Variants in DMD observed in about 807,000 individuals in gnomAD.
The protein encoded by DMD is mutant dystrophin.
Under a neutral mutation model 330.1 loss-of-function variants are expected in DMD, and 63 were observed. That is an observed-to-expected ratio of 0.19 (90% CI 0.16 to 0.24). The LOEUF is 0.24. DMD is among the 10% of genes least tolerant of loss of function. The pLI is 1.00. For synonymous variants in DMD, 1,223 were observed against 959.8 expected, an observed-to-expected ratio of 1.27 and a Z score of -5.07; for missense variants, 3,344 against 2,684.1, an observed-to-expected ratio of 1.25 and a Z score of -5.43.
intron 15 of DMD, 141 bp from the exon 16 acceptor site, chrX:32,566,022 A>T: frequency 1.9e-6 from 1 of 526,492 alleles, no homozygotes; most frequent in Non-Finnish European, 3.2e-6. Context: ...TCAAAAGTTC[A>T]GAAAAATAGA....
chrX:32,706,309 A>C (rs948439350), intron 7 of DMD, among the ~76,000 whole-genome samples: 3 of 107,575 alleles, frequency 2.8e-5, no homozygotes, highest in Non-Finnish European at 5.8e-5. Context: ...GGTGCAGCAC[A>C]CCAACATGGC....
At chrX:31,649,628 T>C (rs1272994084) in intron 54 of DMD, among the ~76,000 whole-genome samples, 2 of 109,229 alleles carry the variant, frequency 1.8e-5, no homozygotes. Context: ...GCCCAGGCTG[T>C]AGTGCAGTGG....
intron 7 of DMD, among the ~76,000 whole-genome samples, chrX:32,708,121 G>A (rs1158145890): frequency 3.6e-5 from 4 of 111,496 alleles, no homozygotes; most frequent in South Asian, 3.7e-4. Flanking sequence ...TACACAGTGA[G>A]GCCAGAATAA....
chrX:32,420,681 TCTCAGGAAAGAAA>T (rs2098186065), intron 29 of DMD, among the ~76,000 whole-genome samples: 1 of 111,916 alleles, frequency 8.9e-6, no homozygotes, highest in Non-Finnish European at 1.9e-5. Flanking sequence ...GAATTCAGAC[TCTCAGGAAAGAAA>T]CTCAACACAG....
chrX:31,319,449 C>T (rs879101208), intron 62 of DMD, among the ~76,000 whole-genome samples: 5 of 112,083 alleles, frequency 4.5e-5, no homozygotes, highest in South Asian at 7.4e-4. Flanking sequence ...ATTAAAATGC[C>T]TATATTTATA....
chrX:33,123,367 G>C (rs1022652488), intron 1 of DMD, among the ~76,000 whole-genome samples: 1 of 111,795 alleles, frequency 8.9e-6, no homozygotes, highest in African/African-American at 3.3e-5. Context: ...AAACTGAAAA[G>C]GTAAACAAAT....
At chrX:32,452,479 A>AG (rs2098338059) in intron 26 of DMD, among the ~76,000 whole-genome samples, 1 of 28,119 alleles carries the variant, frequency 3.6e-5, no homozygotes, top group Non-Finnish European at 9.6e-5. Context: ...AGGAAAGGAA[A>AG]GGAAAGGAAA....
chrX:31,336,891 G>C (rs2057430947), intron 61 of DMD, among the ~76,000 whole-genome samples: 1 of 109,537 alleles, frequency 9.1e-6, no homozygotes, highest in African/African-American at 3.3e-5. Context: ...ATGTTTCGTG[G>C]TGTCTGTTGT....
chrX:32,041,980 C>A (rs1199999700), intron 44 of DMD, among the ~76,000 whole-genome samples: 1 of 92,827 alleles, frequency 1.1e-5, no homozygotes, highest in African/African-American at 3.9e-5. Context: ...TTTCTCCATG[C>A]TTCCCTCCCT....
intron 9 of DMD, among the ~76,000 whole-genome samples, chrX:32,688,000 T>C (rs1482435779): frequency 8.9e-6 from 1 of 111,822 alleles, no homozygotes; most frequent in Non-Finnish European, 1.9e-5. Flanking sequence ...TTAAAATAAA[T>C]GTTTGAAAAA....
intron 1 of DMD, among the ~76,000 whole-genome samples, chrX:33,230,041 T>C (rs1403550539): frequency 8.9e-6 from 1 of 112,481 alleles, no homozygotes; most frequent in Non-Finnish European, 1.9e-5. Flanking sequence ...ACACAAAGAT[T>C]GCGAACATAG....
chrX:31,519,735 G>A (rs982190758), intron 55 of DMD, among the ~76,000 whole-genome samples: 2 of 112,152 alleles, frequency 1.8e-5, no homozygotes, highest in African/African-American at 6.5e-5. Context: ...CCACAGCATA[G>A]AGATATTAAC....
intron 54 of DMD, among the ~76,000 whole-genome samples, chrX:31,647,479 A>G (rs900716636): frequency 2.7e-5 from 3 of 112,192 alleles, no homozygotes; most frequent in African/African-American, 9.7e-5. Flanking sequence ...ATCATAAATA[A>G]TCATTATGAA....
At chrX:31,469,443 T>C (rs1206448771) in intron 59 of DMD, among the ~76,000 whole-genome samples, 1 of 112,121 alleles carries the variant, frequency 8.9e-6, no homozygotes, top group Non-Finnish European at 1.9e-5. Flanking sequence ...TTAGTTTGGC[T>C]GGATATGAAA....
At chrX:31,183,885 T>G (rs1473235021) in intron 67 of DMD, among the ~76,000 whole-genome samples, 6 of 107,610 alleles carry the variant, frequency 5.6e-5, no homozygotes, top group Non-Finnish European at 1.2e-4. Context: ...AAAATCCATA[T>G]TCCTGATAGT....
chrX:31,295,606 GGT>G (rs1248597084), intron 62 of DMD, among the ~76,000 whole-genome samples: 15 of 111,152 alleles, frequency 1.3e-4, no homozygotes, highest in Non-Finnish European at 2.5e-4. Context: ...GTAGAGATGG[GGT>G]TTCACCATGT....
intron 51 of DMD, among the ~76,000 whole-genome samples, chrX:31,767,570 A>C (rs1178764505): frequency 8.9e-6 from 1 of 112,364 alleles, no homozygotes; most frequent in Non-Finnish European, 1.9e-5. Flanking sequence ...TTGTTGAATA[A>C]GGGAAACTAT....
chrX:31,892,279 GA>G (rs886954067), intron 47 of DMD, among the ~76,000 whole-genome samples: 1 of 111,536 alleles, frequency 9.0e-6, no homozygotes, highest in Non-Finnish European at 1.9e-5. Context: ...ATAAAAGCCA[GA>G]AAAAAATTAA....
At chrX:31,221,411 T>C (rs1229278491) in intron 64 of DMD, among the ~76,000 whole-genome samples, 1 of 112,346 alleles carries the variant, frequency 8.9e-6, no homozygotes, top group Non-Finnish European at 1.9e-5. Flanking sequence ...TGTGTCATGC[T>C]TTCTCTGGGC....
Sources: allele counts gnomAD v4.1 joint callset (sites outside exome capture counted in the v4.1 genomes callset), GRCh38; gene constraint gnomAD v4.1.1; transcripts MANE v1.5; gene names NCBI Gene and HGNC (gene_info 2026-07-23, HGNC 2026-07-21).